The following BABAM2 variants were observed in gnomAD, a reference collection of about 807,000 sequenced individuals.
BABAM2 encodes BRISC and BRCA1-A complex member 2.
In BABAM2, 31 loss-of-function variants were observed where a neutral mutation model predicts 54.7. The observed-to-expected ratio is 0.57, with a 90% CI of 0.43 to 0.77. The LOEUF is 0.77. BABAM2 is among the 30% of genes least tolerant of loss of function. The pLI, the probability that BABAM2 is intolerant of heterozygous loss-of-function variation, is 0.00. For missense variants in BABAM2, 364 were observed against 455.8 expected (o/e 0.80, Z 1.83); for synonymous variants, 167 against 162.9 (o/e 1.03, Z -0.19).
At position 27,939,983 on chromosome 2, in the gene BABAM2, T is replaced by C. The variant is rs1668756483; in HGVS notation, c.205+10075T>C. Among the ~76,000 whole-genome samples, 3 of 152,302 alleles carry C rather than the reference T, an allele frequency of 2.0e-5. No homozygotes were observed. The South Asian group carries it at 6.2e-4, about 32-fold the overall frequency. On this transcript the variant is annotated intron_variant, in intron 3 of 11. Transcript: ENST00000379624. ...CAGGTCTTTTACTGTGAAGAGACAATTGTTGGCCAGTAAAAGAGTTGCCAA... is the reference window on the plus strand; with the variant it reads ...CAGGTCTTTTACTGTGAAGAGACAACTGTTGGCCAGTAAAAGAGTTGCCAA...
rs779633059 is a variant in BABAM2 at position 28,298,498 on chromosome 2, G to C, written c.1088+7G>C. On this transcript the variant is annotated splice_region_variant and intron_variant, in intron 11 of 11. Coordinates refer to ENST00000379624, the MANE Select transcript of BABAM2 (RefSeq NM_199191.3). ...AAATGGCCAAAAGAGCAAAGTAAGT[G>C]AATCTGTCGTTATTTCCAACAGGTA... The C allele has an allele frequency of 6.2e-7, 1 of 1,613,900 alleles. No homozygotes were observed. The highest frequency in any genetic ancestry group is 1.1e-5 in the South Asian group (1 of 90,994).
At chr2:27,940,225 A>G (rs1057094070) in intron 3 of BABAM2, among the ~76,000 whole-genome samples, 9 of 152,244 alleles carry the variant, frequency 5.9e-5, no homozygotes, top group African/African-American at 1.7e-4. Context: ...TTTTCCAGCT[A>G]TAGCAGCTAT....
At position 27,933,620 on chromosome 2, in the gene BABAM2, C is replaced by G. The variant is rs543908037; in HGVS notation, c.205+3712C>G. ...AGTAGTTGGAACTACAGGTGCCCAC[C>G]ACCACGCCCGGATAATTTTTGTATT... On this transcript the variant is annotated intron_variant, in intron 3 of 11. Transcript: ENST00000379624. Among the ~76,000 whole-genome samples, 58 of 152,086 alleles carry G rather than the reference C, an allele frequency of 3.8e-4. No individual in the cohort carries two copies. In the East Asian group the frequency reaches 9.1e-3, roughly 24 times the overall value.
chr2:28,333,602 G>C (rs541512545), intron 11 of BABAM2, among the ~76,000 whole-genome samples: 53 of 152,366 alleles, frequency 3.5e-4, no homozygotes, highest in African/African-American at 1.2e-3. Flanking sequence ...GGACCGAGTT[G>C]TAATTTTATG....
intron 11 of BABAM2, among the ~76,000 whole-genome samples, chr2:28,301,241 T>G (rs1688086420): frequency 6.6e-6 from 1 of 152,228 alleles, no homozygotes; most frequent in Middle Eastern, 3.2e-3. Flanking sequence ...AATCAGCTGT[T>G]TATTCCCTCC....
At chr2:27,971,422 A>C (rs1045078508) in intron 3 of BABAM2, among the ~76,000 whole-genome samples, 4 of 152,116 alleles carry the variant, frequency 2.6e-5, no homozygotes, top group Admixed American at 6.5e-5. Flanking sequence ...GTATAGAATA[A>C]TTCATTACTG....
At chr2:28,281,175 G>C (rs1434505213) in intron 10 of BABAM2, among the ~76,000 whole-genome samples, 2 of 152,046 alleles carry the variant, frequency 1.3e-5, no homozygotes, top group Admixed American at 1.3e-4. Flanking sequence ...GCCTCCCCTG[G>C]GCTGCCCCCA....
intron 6 of BABAM2, among the ~76,000 whole-genome samples, chr2:28,119,946 A>C (rs1213906147): frequency 6.6e-6 from 1 of 152,170 alleles, no homozygotes; most frequent in Non-Finnish European, 1.5e-5. Context: ...TAATCATAGA[A>C]TGGCCCTAAC....
chr2:28,021,784 G>A (rs934717669), intron 4 of BABAM2, among the ~76,000 whole-genome samples: 7 of 151,880 alleles, frequency 4.6e-5, no homozygotes, highest in African/African-American at 1.4e-4. Flanking sequence ...TTTTCCCCCC[G>A]GAAGATTTTT....
intron 11 of BABAM2, among the ~76,000 whole-genome samples, chr2:28,335,154 CT>C (rs56135926): frequency 1.1e-4 from 8 of 71,522 alleles, no homozygotes; most frequent in African/African-American, 3.6e-4. Flanking sequence ...CTCCCACCTT[CT>C]TTTTTTTTTT....
chr2:28,308,427 T>C (rs1012281076), intron 11 of BABAM2: 1 of 525,444 alleles, frequency 1.9e-6, no homozygotes, highest in Non-Finnish European at 3.8e-6. Flanking sequence ...ATGAAGAAGA[T>C]AGAAGACAAC....
At chr2:27,901,819 CCT>C (rs1665813255) in intron 2 of BABAM2, among the ~76,000 whole-genome samples, 1 of 152,158 alleles carries the variant, frequency 6.6e-6, no homozygotes, top group South Asian at 2.1e-4. Context: ...ATCTCATTCC[CCT>C]TTTTCCCCAC....
intron 7 of BABAM2, among the ~76,000 whole-genome samples, chr2:28,206,343 TAGAG>T (rs1678839026): frequency 6.6e-6 from 1 of 152,190 alleles, no homozygotes; most frequent in African/African-American, 2.4e-5. Flanking sequence ...CAGCAAGAAA[TAGAG>T]AGCCAGGAGA....
At chr2:28,165,529 CTT>C (rs1192641957) in intron 7 of BABAM2, among the ~76,000 whole-genome samples, 22 of 72,268 alleles carry the variant, frequency 3.0e-4, no homozygotes, top group African/African-American at 1.1e-3. Context: ...TTTTTCCTTG[CTT>C]TTTTTTTTTT....
At chr2:27,946,667 A>G (rs1438333304) in intron 3 of BABAM2, among the ~76,000 whole-genome samples, 1 of 151,900 alleles carries the variant, frequency 6.6e-6, no homozygotes, top group African/African-American at 2.4e-5. Context: ...GAGAGGAGAG[A>G]GGAGAGAAGA....
chr2:28,049,109 G>A (rs566892504), intron 6 of BABAM2, among the ~76,000 whole-genome samples: 1 of 152,274 alleles, frequency 6.6e-6, no homozygotes, highest in East Asian at 1.9e-4. Context: ...GTATTTTGGG[G>A]GATAGGAGAG....
At chr2:28,229,831 C>G (rs960660841) in intron 7 of BABAM2, among the ~76,000 whole-genome samples, 5 of 152,224 alleles carry the variant, frequency 3.3e-5, no homozygotes, top group African/African-American at 9.6e-5. Context: ...AAGTGGTCCA[C>G]CTGCCTTGGC....
intron 7 of BABAM2, among the ~76,000 whole-genome samples, chr2:28,197,744 C>T (rs1224065238): frequency 1.3e-5 from 2 of 152,138 alleles, no homozygotes; most frequent in East Asian, 3.9e-4. Context: ...TATGACTCTT[C>T]CTGAGCAACC....
chr2:28,143,857 A>G (rs1192098919), intron 7 of BABAM2, among the ~76,000 whole-genome samples: 6 of 152,202 alleles, frequency 3.9e-5, no homozygotes. Flanking sequence ...AGAAAGGATC[A>G]GAAACTTACC....
Sources: allele counts gnomAD v4.1 joint callset (sites outside exome capture counted in the v4.1 genomes callset), GRCh38; gene constraint gnomAD v4.1.1; transcripts MANE v1.5; gene names NCBI Gene and HGNC (gene_info 2026-07-23, HGNC 2026-07-21).